Variants in DISP1 observed in about 807,000 individuals in gnomAD.
DISP1 encodes the protein dispatched RND transporter family member 1.
DISP1 carries 30 observed loss-of-function variants against 37.3 expected under a neutral mutation model. The ratio of observed to expected loss-of-function variants is 0.80; its 90% CI spans 0.60 to 1.09. DISP1 has a LOEUF of 1.09. Ranked by LOEUF, DISP1 falls within the 50% of genes least tolerant of loss-of-function variation. The pLI, the probability that DISP1 is intolerant of heterozygous loss-of-function variation, is 0.00. For missense variants in DISP1, 1,598 were observed against 1,879.5 expected, an observed-to-expected ratio of 0.85 and a Z score of 2.77; for synonymous variants, 634 against 690.2, an observed-to-expected ratio of 0.92 and a Z score of 1.28.
At chr1:222,996,009 C>T (rs1226659196) in intron 8 of DISP1, among the ~76,000 whole-genome samples, 1 of 152,146 alleles carries the variant, frequency 6.6e-6, no homozygotes, top group East Asian at 1.9e-4. Context: ...TCCCAGACCT[C>T]CCAGATTTAC....
At chr1:222,829,938 GT>G (rs907517540) in intron 1 of DISP1, among the ~76,000 whole-genome samples, 14 of 151,842 alleles carry the variant, frequency 9.2e-5, no homozygotes, top group African/African-American at 3.1e-4. Flanking sequence ...TGTTTTGTGG[GT>G]TTTTTTTAGC....
chr1:222,905,007 T>C (rs1053958116), intron 1 of DISP1, among the ~76,000 whole-genome samples: 1 of 152,192 alleles, frequency 6.6e-6, no homozygotes, highest in African/African-American at 2.4e-5. Context: ...ATCGGATCAT[T>C]TATTTCAGGA....
chr1:222,866,269 A>T (rs1669185522), intron 1 of DISP1, among the ~76,000 whole-genome samples: 1 of 151,658 alleles, frequency 6.6e-6, no homozygotes, highest in Non-Finnish European at 1.5e-5. Context: ...CTTGCCTTTT[A>T]TAGGAGAATT....
intron 1 of DISP1, among the ~76,000 whole-genome samples, chr1:222,897,093 CTAAG>C (rs1330734709): frequency 6.6e-6 from 1 of 152,164 alleles, no homozygotes; most frequent in Non-Finnish European, 1.5e-5. Flanking sequence ...TGAAAACAAT[CTAAG>C]TATCCATGAA....
intron 1 of DISP1, among the ~76,000 whole-genome samples, chr1:222,857,754 T>G (rs575484999): frequency 6.6e-6 from 1 of 152,252 alleles, no homozygotes; most frequent in East Asian, 1.9e-4. Context: ...CAAGGAGAAC[T>G]ACAAACCACT....
Position 223,004,322 on chromosome 1 carries a change from C to A in DISP1, c.2925C>A (p.Asp975Glu), listed in dbSNP as rs760288803. The change falls in exon 9 of 9, where the codon GAC becomes GAA. Residue 975 changes from aspartate (D) to glutamate (E), a missense_variant. Transcript: ENST00000675850. The surrounding 1 kb of genome is among the most constrained non-coding windows in gnomAD (Gnocchi z 4.9). ...TTGTCAGCAATCTGGAGTTCTATGA[C>A]CTCCAGGATAGCCTCTCCGATGGCA... is the stretch of plus-strand genomic sequence containing the variant. ...GWFVSNLEFYDLQDSLSDGTL... is the reference protein window; with the variant it reads ...GWFVSNLEFYELQDSLSDGTL... The A allele has an allele frequency of 1.7e-5, 28 of 1,614,188 alleles. No individual in the cohort carries two copies. The highest frequency in any genetic ancestry group is 2.0e-5 in the Non-Finnish European group (24 of 1,180,032).
intron 8 of DISP1, among the ~76,000 whole-genome samples, chr1:222,997,021 C>T (rs1679121054): frequency 1.3e-5 from 2 of 150,488 alleles, no homozygotes; most frequent in Non-Finnish European, 2.9e-5. Flanking sequence ...TCTCTCATCT[C>T]TCCTCTCTCT....
chr1:222,983,407 G>A (rs778069810), intron 4 of DISP1, among the ~76,000 whole-genome samples: 3 of 151,904 alleles, frequency 2.0e-5, no homozygotes, highest in Non-Finnish European at 4.4e-5. Context: ...ACCTGAGGTC[G>A]GGAGTTCGGG....
At chr1:222,883,509 T>G (rs1056297560) in intron 1 of DISP1, among the ~76,000 whole-genome samples, 1 of 152,110 alleles carries the variant, frequency 6.6e-6, no homozygotes, top group African/African-American at 2.4e-5. Flanking sequence ...CCCAGCTACT[T>G]GGGAGGCTGA....
chr1:222,864,395 A>G (rs1316219645), intron 1 of DISP1, among the ~76,000 whole-genome samples: 1 of 152,186 alleles, frequency 6.6e-6, no homozygotes, highest in Non-Finnish European at 1.5e-5. Context: ...TGCTAAATAA[A>G]ACTTTCTTGA....
chr1:222,856,566 G>T (rs1194085234), intron 1 of DISP1, among the ~76,000 whole-genome samples: 2 of 152,154 alleles, frequency 1.3e-5, no homozygotes, highest in Non-Finnish European at 2.9e-5. Context: ...GAATGTATTA[G>T]GGATTTGAAC....
At chr1:222,977,659 A>G (rs896765760) in intron 3 of DISP1, among the ~76,000 whole-genome samples, 2 of 151,488 alleles carry the variant, frequency 1.3e-5, no homozygotes, top group Non-Finnish European at 1.5e-5. Context: ...AACATTAGGT[A>G]TATCTCCTAA....
rs750944404 is a variant in DISP1 at position 223,005,049 on chromosome 1, G to C, written c.3652G>C (p.Glu1218Gln). The change falls in exon 9 of 9, where the codon GAA becomes CAA. Residue 1218 changes from glutamate to glutamine, a missense_variant. Glu to Gln is a conservative substitution (Grantham distance 29). Coordinates refer to ENST00000675850, the MANE Select transcript of DISP1 (RefSeq NM_001377229.1). ...TTYEETHICSEFFNSQAKNLG... is the reference protein window; with the variant it reads ...TTYEETHICSQFFNSQAKNLG... Reference sequence around the variant, plus strand: ...TTATGAAGAGACCCACATCTGCTCTGAATTTTTCAACAGCCAAGCAAAGAA... The same window carrying C: ...TTATGAAGAGACCCACATCTGCTCTCAATTTTTCAACAGCCAAGCAAAGAA... The C allele has an allele frequency of 2.7e-5, 43 of 1,614,062 alleles. No homozygotes were observed. In the African/African-American group the frequency reaches 4.1e-4, roughly 16 times the overall value.
At chr1:222,827,462 T>G (rs1409274354) in intron 1 of DISP1, 2 of 152,196 alleles carry the variant, frequency 1.3e-5, no homozygotes, top group Admixed American at 6.5e-5. Context: ...TGGGAATACT[T>G]GACTTACTAA....
intron 1 of DISP1, among the ~76,000 whole-genome samples, chr1:222,907,659 G>T (rs1671973384): frequency 6.6e-6 from 1 of 152,196 alleles, no homozygotes; most frequent in African/African-American, 2.4e-5. Flanking sequence ...ATGATTTAAA[G>T]ATTTGATTAT....
At chr1:222,960,138 A>G (rs1675944987) in intron 3 of DISP1, among the ~76,000 whole-genome samples, 1 of 152,226 alleles carries the variant, frequency 6.6e-6, no homozygotes, top group Admixed American at 6.5e-5. Flanking sequence ...ATAGACATCT[A>G]CAGAACTCTC....
chr1:222,951,573 A>G lies in DISP1; in HGVS notation c.509+8241A>G, dbSNP rs1572604365. ...TCATCAACATTGTGGCATGAACCTGATCATTGACGCAGATCCCACAGTCTC... is the reference window on the plus strand; with the variant it reads ...TCATCAACATTGTGGCATGAACCTGGTCATTGACGCAGATCCCACAGTCTC... On this transcript the variant is annotated intron_variant, in intron 3 of 8. Coordinates refer to ENST00000675850, the MANE Select transcript of DISP1 (RefSeq NM_001377229.1). 3.0e-5 allele frequency among the ~76,000 whole-genome samples: 4 copies of G among 133,910 alleles called. No homozygotes were observed. In the East Asian group the frequency reaches 6.8e-4, roughly 23 times the overall value. The allele number at this position is 133,910 out of a possible 152,430, so 87.9% of individuals were successfully genotyped here.
intron 1 of DISP1, among the ~76,000 whole-genome samples, chr1:222,874,788 TC>T (rs959015605): frequency 6.6e-5 from 10 of 152,234 alleles, no homozygotes; most frequent in African/African-American, 2.4e-4. Flanking sequence ...CCAGCTTTGT[TC>T]CGTTGCTGGT....
chr1:222,961,651 T>C (rs1197015231), intron 3 of DISP1, among the ~76,000 whole-genome samples: 1 of 152,168 alleles, frequency 6.6e-6, no homozygotes, highest in Admixed American at 6.5e-5. Flanking sequence ...TAAAGCGTAT[T>C]CAAATAGGAA....
Sources: gnomAD v4.1 joint callset for allele counts (sites outside exome capture counted in the v4.1 genomes callset) on GRCh38, gnomAD v4.1.1 for gene constraint, Gnocchi (gnomAD v3.1) non-coding constraint, MANE v1.5 for transcripts, NCBI Gene and HGNC (gene_info 2026-07-23, HGNC 2026-07-21) for gene names.